The following SCP2 variants were observed in gnomAD, a reference collection of about 807,000 sequenced individuals.
SCP2 encodes the protein SCP-2/3-oxoacyl-CoA thiolase.
A neutral mutation model predicts 71.4 loss-of-function variants in SCP2; 48 were observed. The ratio of observed to expected loss-of-function variants is 0.67; its 90% confidence interval spans 0.53 to 0.86. The LOEUF (loss-of-function observed/expected upper bound fraction) is 0.86. Among genes scored for constraint, SCP2 ranks in the 40% least tolerant of loss-of-function variants. SCP2 has a pLI of 0.00. For missense variants in SCP2, 560 were observed against 655.6 expected (o/e 0.85, Z 1.59); for synonymous variants, 220 against 218.1 (o/e 1.01, Z -0.08).
rs369906856 is a variant in SCP2, at chr1:52,979,060, T to C, written c.825+693T>C. ...ATGATTTTACAACAACACTGTGAAC[T>C]GGAAAATGTTTTTGTAACTGCCCAA... On this transcript the variant is annotated intron_variant, in intron 9 of 15. Transcript: ENST00000371514. 3.9e-5 allele frequency among the ~76,000 whole-genome samples: 6 copies of C among 152,374 alleles called. No homozygotes were observed. In the East Asian group the frequency reaches 7.7e-4, roughly 20 times the overall value.
At chr1:53,031,317 A>G (rs1420959558) in intron 13 of SCP2, among the ~76,000 whole-genome samples, 1 of 152,136 alleles carries the variant, frequency 6.6e-6, no homozygotes, top group Non-Finnish European at 1.5e-5. Context: ...TCTTTTCTCT[A>G]TAACCTCCCT....
At chr1:52,973,335 GA>G (rs1339413334) in intron 6 of SCP2, among the ~76,000 whole-genome samples, 17 of 138,226 alleles carry the variant, frequency 1.2e-4, no homozygotes, top group African/African-American at 4.5e-4. Context: ...TTATTTGACA[GA>G]AGAACCCTCT....
intron 11 of SCP2, chr1:52,993,122 C>A: frequency 1.3e-6 from 2 of 1,504,782 alleles, no homozygotes; most frequent in Non-Finnish European, 1.8e-6. Flanking sequence ...AAGGTACCAA[C>A]AAGATGTAAA....
At chr1:53,000,737 G>A (rs1446908071) in intron 11 of SCP2, among the ~76,000 whole-genome samples, 1 of 152,082 alleles carries the variant, frequency 6.6e-6, no homozygotes, top group Non-Finnish European at 1.5e-5. Flanking sequence ...CGGGCAGATC[G>A]CTTGAGCTCA....
chr1:53,042,793 T>A (rs1045883086), intron 14 of SCP2, among the ~76,000 whole-genome samples: 3 of 152,260 alleles, frequency 2.0e-5, no homozygotes, highest in Admixed American at 1.3e-4. Flanking sequence ...TAAGATTTAC[T>A]TAAATGTATT....
At position 52,941,803 on chromosome 1, in the gene SCP2, A is replaced by C; in HGVS notation, c.77A>C (p.Lys26Thr). 6.2e-7 allele frequency: 1 copy of C among 1,601,542 alleles called. No homozygotes were observed. Among genetic ancestry groups the C allele is most frequent in the Non-Finnish European group, 8.6e-7 (1 of 1,168,614 alleles). ...VVGVGMTKFV[K>T]PGAENSRDYP... Reference sequence around the variant, plus strand: ...CTCTTTCTATATCTCTAGTTTGTGAAGCCTGGAGCTGAGAATTCAAGAGAC... The same window carrying C: ...CTCTTTCTATATCTCTAGTTTGTGACGCCTGGAGCTGAGAATTCAAGAGAC... The change falls in exon 2 of 16, where the codon AAG becomes ACG. Residue 26 changes from lysine (K) to threonine (T), a missense_variant. By Grantham distance (78) the Lys-to-Thr change is moderately conservative. Around this residue, in one of 3 missense-constraint regions of SCP2, gnomAD observed 513 missense variants for 573.1 expected, o/e 0.90. Transcript: ENST00000371514.
At chr1:52,990,387 CTT>C (rs1385105234) in intron 11 of SCP2, among the ~76,000 whole-genome samples, 1 of 151,978 alleles carries the variant, frequency 6.6e-6, no homozygotes, top group Non-Finnish European at 1.5e-5. Context: ...TAGACAAAGA[CTT>C]TAACTAGCTA....
At chr1:52,938,363 A>G (rs868286975) in intron 1 of SCP2, among the ~76,000 whole-genome samples, 35 of 152,284 alleles carry the variant, frequency 2.3e-4, no homozygotes, top group Middle Eastern at 6.8e-3. Context: ...ATTCAAAGCC[A>G]TTTCTCTTTA....
rs1364365730 is a variant in SCP2 at position 53,017,277 on chromosome 1, A to G, written c.1235+2234A>G. Among the ~76,000 whole-genome samples the G allele has an allele frequency of 2.6e-5, 4 of 152,224 alleles. No homozygotes were observed. The East Asian group carries it at 7.7e-4, about 29-fold the overall frequency. On this transcript the variant is annotated intron_variant, in intron 12 of 15. Coordinates refer to ENST00000371514, the MANE Select transcript of SCP2 (RefSeq NM_002979.5). ...TATTTCCACAAGTTTTGATAAACAT[A>G]CAGTCGTATTACTACCACCATAATC...
Position 53,014,879 on chromosome 1 carries a change from C to T in SCP2, c.1082-11C>T, listed in dbSNP as rs755756914. 2.5e-6 allele frequency: 4 copies of T among 1,612,290 alleles called. No homozygotes were observed. Among genetic ancestry groups the T allele is most frequent in the Non-Finnish European group, 3.4e-6 (4 of 1,179,726 alleles). ...TGGAAGCAGCTCAGTGCTCTGTGTTCGATTTGTTAGGTCTTGCTCAGTGTG... is the reference window on the plus strand; with the variant it reads ...TGGAAGCAGCTCAGTGCTCTGTGTTTGATTTGTTAGGTCTTGCTCAGTGTG... On this transcript the variant is annotated splice_polypyrimidine_tract_variant and intron_variant, in intron 11 of 15. Coordinates refer to ENST00000371514, the MANE Select transcript of SCP2 (RefSeq NM_002979.5).
chr1:53,040,083 C>T (rs928302972), intron 14 of SCP2, among the ~76,000 whole-genome samples: 31 of 152,184 alleles, frequency 2.0e-4, no homozygotes, highest in East Asian at 1.9e-4. Flanking sequence ...CACATCTTGT[C>T]CTCCTCTGTA....
At chr1:53,017,518 G>A (rs1384088303) in intron 12 of SCP2, among the ~76,000 whole-genome samples, 2 of 152,166 alleles carry the variant, frequency 1.3e-5, no homozygotes, top group African/African-American at 4.8e-5. Context: ...ACGTTATTGT[G>A]TGTATCAGTA....
At chr1:53,015,364 G>A (rs1661263389) in intron 12 of SCP2, among the ~76,000 whole-genome samples, 1 of 152,302 alleles carries the variant, frequency 6.6e-6, no homozygotes, top group East Asian at 1.9e-4. Flanking sequence ...GGCTTCTGAG[G>A]TGGTTTAGGG....
rs1654039940 is a variant in SCP2, at chr1:52,939,651, A to AT, written c.70-2144dup. ...CCAAGGAGTGCTATTGCTAATTCAT[A>AT]TGTGTATTGTGTGTGCTTTATTTTT... On this transcript the variant is annotated intron_variant, in intron 1 of 15. Transcript: ENST00000371514. Among the ~76,000 whole-genome samples the AT allele has an allele frequency of 2.6e-5, 4 of 152,212 alleles. No homozygotes were observed. The South Asian group carries it at 8.3e-4, about 32-fold the overall frequency.
At chr1:53,001,001 C>T (rs935681605) in intron 11 of SCP2, among the ~76,000 whole-genome samples, 3 of 151,952 alleles carry the variant, frequency 2.0e-5, no homozygotes, top group Non-Finnish European at 4.4e-5. Context: ...TGTTCTCTCT[C>T]TCTATATGTA....
chr1:52,970,563 T>C (rs935532274), intron 6 of SCP2, among the ~76,000 whole-genome samples: 5 of 152,112 alleles, frequency 3.3e-5, no homozygotes, highest in Non-Finnish European at 5.9e-5. Flanking sequence ...TCAGAACTTA[T>C]ACCTTTAAGA....
In SCP2 at chr1:52,980,130, C is replaced by T. The variant is rs547581258; in HGVS notation, c.826-266C>T. On this transcript the variant is annotated intron_variant, in intron 9 of 15. Transcript: ENST00000371514. ...CTGGGACCACAGGCACATACTACCA[C>T]GCCAGGCTAATTTTTAAATTATTTG... Among the ~76,000 whole-genome samples the T allele has an allele frequency of 8.0e-4, 122 of 152,126 alleles. No individual in the cohort carries two copies. In the Middle Eastern group the frequency reaches 0.01, roughly 13 times the overall value.
At position 53,022,345 on chromosome 1, in the gene SCP2, A is replaced by T. The variant is rs11806547; in HGVS notation, c.1236-5624A>T. 3.0e-3 allele frequency among the ~76,000 whole-genome samples: 463 copies of T among 152,276 alleles called. 3 individuals carry two copies. Among genetic ancestry groups the T allele is most frequent in the African/African-American group, 0.011 (443 of 41,552 alleles). ...TGGCTGAAGGTTCCCATTTCTCCAC[A>T]TTCTGTCATTACTTCTTGTTACCTA... On this transcript the variant is annotated intron_variant, in intron 12 of 15. Coordinates refer to ENST00000371514, the MANE Select transcript of SCP2 (RefSeq NM_002979.5).
intron 11 of SCP2, among the ~76,000 whole-genome samples, chr1:52,998,590 G>A (rs1170072094): frequency 6.7e-6 from 1 of 149,388 alleles, no homozygotes; most frequent in African/African-American, 2.5e-5. Context: ...AATTAGTCAG[G>A]CGTGGTGGCG....
Sources: gnomAD v4.1 joint callset for allele counts (sites outside exome capture counted in the v4.1 genomes callset) on GRCh38, gnomAD v4.1.1 for gene constraint, gnomAD v4.1.1 regional missense constraint, MANE v1.5 for transcripts, NCBI Gene and HGNC (gene_info 2026-07-23, HGNC 2026-07-21) for gene names.